The following CPT1A variants were observed in gnomAD, a reference collection of about 807,000 sequenced individuals.
CPT1A encodes carnitine O-palmitoyltransferase 1, liver isoform.
Under a neutral mutation model 100.8 loss-of-function variants are expected in CPT1A, and 64 were observed. The observed-to-expected ratio is 0.63, with a 90% CI of 0.52 to 0.78. The LOEUF (loss-of-function observed/expected upper bound fraction) is 0.78, where lower values mean the gene tolerates loss of function less well. CPT1A is among the 30% of genes least tolerant of loss of function. The pLI is 0.00. For missense variants in CPT1A, 802 were observed against 1,034.1 expected, an observed-to-expected ratio of 0.78 and a Z score of 3.08; for synonymous variants, 363 against 396.0, an observed-to-expected ratio of 0.92 and a Z score of 0.99.
chr11:68,823,744 A>G (rs1856647564), intron 1 of CPT1A, among the ~76,000 whole-genome samples: 3 of 151,106 alleles, frequency 2.0e-5, no homozygotes, highest in East Asian at 2.0e-4. Flanking sequence ...AGCTGAGATC[A>G]TGCCATTGCA....
intron 2 of CPT1A, among the ~76,000 whole-genome samples, chr11:68,814,498 G>A (rs1026578518): frequency 2.0e-5 from 3 of 151,736 alleles, no homozygotes; most frequent in South Asian, 2.1e-4. Flanking sequence ...TAGTAGAGAC[G>A]GGGGTTTCAC....
chr11:68,838,573 A>AAAAAACAAAC (rs1566394815), intron 1 of CPT1A, among the ~76,000 whole-genome samples: 5 of 112,846 alleles, frequency 4.4e-5, no homozygotes, highest in African/African-American at 9.7e-5. Context: ...GCACCTTTTT[A>AAAAAACAAAC]AAAAAAAAAA....
rs1466432170 is a variant in CPT1A, at chr11:68,756,477, A to T, written c.*1167T>A. On this transcript the variant is annotated 3_prime_UTR_variant, in exon 19 of 19. Coordinates refer to ENST00000265641, the MANE Select transcript of CPT1A (RefSeq NM_001876.4). Reference sequence around the variant, plus strand: ...GACATCTTGGCTGGTCACCAAGGTGAGCCGGCATACTGTCTCCATCACCCT... The same window carrying T: ...GACATCTTGGCTGGTCACCAAGGTGTGCCGGCATACTGTCTCCATCACCCT... 1 of 152,188 alleles carries T rather than the reference A, an allele frequency of 6.6e-6. No individual in the cohort carries two copies. Among genetic ancestry groups the T allele is most frequent in the Non-Finnish European group, 1.5e-5 (1 of 68,042 alleles). The allele number at this position is 152,188 out of a possible 1,614,324, so 9.4% of individuals were successfully genotyped here.
intron 1 of CPT1A, among the ~76,000 whole-genome samples, chr11:68,836,311 C>CA (rs1857008655): frequency 6.6e-6 from 1 of 151,006 alleles, no homozygotes; most frequent in Admixed American, 6.6e-5. Flanking sequence ...CCTGTCTCTA[C>CA]AAAAAAATAT....
rs377364247 is a variant in CPT1A, at chr11:68,774,279, G to A, written c.1576-850C>T. On this transcript the variant is annotated intron_variant, in intron 13 of 18. Transcript: ENST00000265641. ...GAAGGCAAGAATTGAGGTTGCTGCAGACCCGTACAGATATGTTCTGACGCT... is the reference window on the plus strand; with the variant it reads ...GAAGGCAAGAATTGAGGTTGCTGCAAACCCGTACAGATATGTTCTGACGCT... 9.3e-4 allele frequency among the ~76,000 whole-genome samples: 142 copies of A among 152,224 alleles called. 4 individuals carry two copies. In the South Asian group the frequency reaches 0.027, roughly 29 times the overall value.
At chr11:68,772,957 G>A (rs1012208432) in intron 14 of CPT1A, among the ~76,000 whole-genome samples, 8 of 152,086 alleles carry the variant, frequency 5.3e-5, no homozygotes, top group African/African-American at 1.9e-4. Flanking sequence ...GCTAGGATTC[G>A]GGGCTTATTA....
chr11:68,791,160 CT>C (rs1331710772), intron 9 of CPT1A, among the ~76,000 whole-genome samples: 1 of 152,132 alleles, frequency 6.6e-6, no homozygotes, highest in Admixed American at 6.6e-5. Context: ...ACATATTTAC[CT>C]CCTGGAATCA....
intron 1 of CPT1A, among the ~76,000 whole-genome samples, chr11:68,835,508 G>T (rs1037984207): frequency 1.3e-5 from 2 of 152,184 alleles, no homozygotes; most frequent in South Asian, 2.1e-4. Context: ...CCTAAATGCC[G>T]CCTGCAGCCA....
intron 9 of CPT1A, among the ~76,000 whole-genome samples, chr11:68,790,879 A>G (rs955672386): frequency 6.6e-6 from 1 of 152,080 alleles, no homozygotes; most frequent in Admixed American, 6.6e-5. Context: ...GCTGGAGTGC[A>G]GTGGCATGAT....
chr11:68,767,835 AACTG>A (rs1854853542), intron 14 of CPT1A, among the ~76,000 whole-genome samples: 1 of 151,992 alleles, frequency 6.6e-6, no homozygotes, highest in Admixed American at 6.6e-5. Context: ...ACAAATATGT[AACTG>A]ACGATTCCCC....
intron 1 of CPT1A, among the ~76,000 whole-genome samples, chr11:68,825,022 C>T (rs1856686140): frequency 6.6e-6 from 1 of 152,236 alleles, no homozygotes; most frequent in East Asian, 1.9e-4. Context: ...TGGTCTTGAA[C>T]TCCTGACCTC....
chr11:68,842,802 T>TGAGGGG, upstream of CPT1A, among the ~76,000 whole-genome samples: 1 of 151,720 alleles, frequency 6.6e-6, no homozygotes, highest in Non-Finnish European at 1.5e-5. Context: ...CCCAGGGGGT[T>TGAGGGG]GAGGGGGAGG....
intron 7 of CPT1A, among the ~76,000 whole-genome samples, chr11:68,796,511 G>A (rs1026505059): frequency 4.6e-5 from 7 of 152,098 alleles, no homozygotes; most frequent in Non-Finnish European, 8.8e-5. Flanking sequence ...AGCCGAGATC[G>A]TGCCATTGCA....
At chr11:68,796,721 C>T (rs1341600766) in intron 7 of CPT1A, 135 bp downstream of exon 7, 11 of 829,928 alleles carry the variant, frequency 1.3e-5, no homozygotes, top group Non-Finnish European at 2.2e-5. Context: ...GGCCTGGAAG[C>T]AGGACAGAGA....
chr11:68,801,427 C>T (rs576097869), intron 5 of CPT1A, among the ~76,000 whole-genome samples: 20 of 152,034 alleles, frequency 1.3e-4, no homozygotes, highest in Non-Finnish European at 2.2e-4. Context: ...GTCAGGAGCT[C>T]GAGACCAGCC....
rs180720447 is a variant in CPT1A, at chr11:68,787,489, T to C, written c.968-2479A>G. ...AAACACAGTTTATAAAAACCTTTCATGTTCCTATACCCCAGGGCACAGGCT... is the reference window on the plus strand; with the variant it reads ...AAACACAGTTTATAAAAACCTTTCACGTTCCTATACCCCAGGGCACAGGCT... On this transcript the variant is annotated intron_variant, in intron 9 of 18. Transcript: ENST00000265641. Among the ~76,000 whole-genome samples the C allele has an allele frequency of 1.4e-3, 205 of 151,328 alleles. 1 individual carries two copies. Among genetic ancestry groups the C allele is most frequent in the East Asian group, 9.0e-3 (46 of 5,124 alleles).
At chr11:68,772,003 C>T (rs755494231) in intron 14 of CPT1A, among the ~76,000 whole-genome samples, 1 of 152,174 alleles carries the variant, frequency 6.6e-6, no homozygotes, top group Non-Finnish European at 1.5e-5. Context: ...ATGGCACAAT[C>T]GTTACCAAGG....
At chr11:68,827,896 G>C (rs11828395) in intron 1 of CPT1A, among the ~76,000 whole-genome samples, 2,944 of 152,246 alleles carry the variant, frequency 0.019, 102 homozygotes, top group African/African-American at 0.066. Flanking sequence ...CCCTGGCCCT[G>C]CTGTCCTGCA....
intron 12 of CPT1A, among the ~76,000 whole-genome samples, chr11:68,776,456 CA>C (rs1855142560): frequency 6.6e-6 from 1 of 152,124 alleles, no homozygotes; most frequent in Non-Finnish European, 1.5e-5. Context: ...CATAGAAGAC[CA>C]CATATTGTAT....
Sources: gnomAD v4.1 joint callset for allele counts (sites outside exome capture counted in the v4.1 genomes callset) on GRCh38, gnomAD v4.1.1 for gene constraint, MANE v1.5 for transcripts, NCBI Gene and HGNC (gene_info 2026-07-23, HGNC 2026-07-21) for gene names.